Variants in WDR70 observed in about 807,000 individuals in gnomAD.
WDR70 encodes the protein WD repeat domain 70.
In WDR70, 53 loss-of-function variants were observed where a neutral mutation model predicts 88.6. That is an observed-to-expected ratio of 0.60 (90% CI 0.48 to 0.75). The LOEUF (loss-of-function observed/expected upper bound fraction) is 0.75, where lower values mean the gene tolerates loss of function less well. Ranked by LOEUF, WDR70 falls within the 30% of genes least tolerant of loss-of-function variation. The pLI, the probability that WDR70 is intolerant of heterozygous loss-of-function variation, is 0.00. For synonymous variants in WDR70, 280 were observed against 270.0 expected (o/e 1.04, Z -0.36); for missense variants, 610 against 823.2 (o/e 0.74, Z 3.17).
At chr5:37,449,620 A>C (rs2112075178) in intron 7 of WDR70, among the ~76,000 whole-genome samples, 1 of 142,942 alleles carries the variant, frequency 7.0e-6, no homozygotes, top group South Asian at 2.2e-4. Flanking sequence ...ATAAAAAATA[A>C]ATAAATAAAT....
intron 10 of WDR70, among the ~76,000 whole-genome samples, chr5:37,612,872 A>T (rs1744225768): frequency 6.6e-6 from 1 of 152,236 alleles, no homozygotes; most frequent in Non-Finnish European, 1.5e-5. Flanking sequence ...CACGTGACAT[A>T]TGAACTATTC....
chr5:37,512,704 T>A (rs1740756854), intron 8 of WDR70, among the ~76,000 whole-genome samples: 1 of 151,616 alleles, frequency 6.6e-6, no homozygotes, highest in Admixed American at 6.6e-5. Context: ...ATCTCAGCCT[T>A]CCGAGTAGCT....
chr5:37,470,330 G>A (rs974673705), intron 7 of WDR70, among the ~76,000 whole-genome samples: 1 of 152,068 alleles, frequency 6.6e-6, no homozygotes, highest in African/African-American at 2.4e-5. Flanking sequence ...TGCTTCAGAT[G>A]TCTCTAATTT....
chr5:37,487,625 G>GTTTTTTTTTTTT, intron 8 of WDR70, among the ~76,000 whole-genome samples: 1 of 11,724 alleles, frequency 8.5e-5, no homozygotes, highest in Middle Eastern at 0.1. Context: ...ATATATATAT[G>GTTTTTTTTTTTT]TATTTTTTTT....
intron 9 of WDR70, among the ~76,000 whole-genome samples, chr5:37,572,752 C>T (rs1353849488): frequency 6.6e-6 from 1 of 152,164 alleles, no homozygotes; most frequent in Non-Finnish European, 1.5e-5. Context: ...CATCAGTTCT[C>T]AACAGATCTT....
At chr5:37,484,163 C>G (rs1379251768) in intron 8 of WDR70, among the ~76,000 whole-genome samples, 2 of 152,192 alleles carry the variant, frequency 1.3e-5, no homozygotes, top group Admixed American at 6.5e-5. Flanking sequence ...GGCAGCCGGG[C>G]AGAGGCTGTA....
At chr5:37,654,922 TA>T (rs1031606082) in intron 10 of WDR70, among the ~76,000 whole-genome samples, 4 of 152,238 alleles carry the variant, frequency 2.6e-5, no homozygotes, top group South Asian at 2.1e-4. Flanking sequence ...CTGTGTCTTT[TA>T]ATTGGGGCAT....
chr5:37,660,642 T>C (rs1255037768), intron 10 of WDR70, among the ~76,000 whole-genome samples: 1 of 152,188 alleles, frequency 6.6e-6, no homozygotes, highest in Non-Finnish European at 1.5e-5. Context: ...TGTATTTGCC[T>C]GGTAAATCTT....
chr5:37,506,161 A>C, intron 8 of WDR70: 1 of 1,046,496 alleles, frequency 9.6e-7, no homozygotes. Flanking sequence ...CGAAGGTCCT[A>C]ACGAGAAACA....
chr5:37,575,235 C>A (rs1005057306), intron 9 of WDR70, among the ~76,000 whole-genome samples: 1 of 152,234 alleles, frequency 6.6e-6, no homozygotes, highest in South Asian at 2.1e-4. Flanking sequence ...TAAAAAAATA[C>A]GTATTTGGTC....
At chr5:37,470,738 T>G (rs1739302017) in intron 7 of WDR70, among the ~76,000 whole-genome samples, 1 of 152,154 alleles carries the variant, frequency 6.6e-6, no homozygotes, top group Non-Finnish European at 1.5e-5. Flanking sequence ...ACATTTGACT[T>G]ATTTCTGGTT....
chr5:37,600,551 C>T lies in WDR70; in HGVS notation c.918-4513C>T, dbSNP rs1263587739. On this transcript the variant is annotated intron_variant, in intron 9 of 17. Coordinates refer to ENST00000265107, the MANE Select transcript of WDR70 (RefSeq NM_018034.4). Reference sequence around the variant, plus strand: ...CAAAAAAAAAAAAAAAAAAGAACATCTAGAATTCAATAAAATGACAACCTA... The same window carrying T: ...CAAAAAAAAAAAAAAAAAAGAACATTTAGAATTCAATAAAATGACAACCTA... 2.3e-5 allele frequency among the ~76,000 whole-genome samples: 3 copies of T among 132,906 alleles called. No individual in the cohort carries two copies. In the East Asian group the frequency reaches 6.6e-4, roughly 29 times the overall value. 87.2% of individuals were successfully genotyped at this position (132,906 alleles called of 152,430 possible).
intron 6 of WDR70, among the ~76,000 whole-genome samples, chr5:37,439,267 A>C (rs1447056935): frequency 2.6e-5 from 4 of 152,098 alleles, no homozygotes; most frequent in Non-Finnish European, 5.9e-5. Flanking sequence ...AAATGAAACT[A>C]TGTGGGAATT....
At chr5:37,627,779 G>A (rs1414502978) in intron 10 of WDR70, among the ~76,000 whole-genome samples, 3 of 152,142 alleles carry the variant, frequency 2.0e-5, no homozygotes, top group Non-Finnish European at 4.4e-5. Flanking sequence ...ATTGTGGCAA[G>A]ATAAGATGCG....
In WDR70 at chr5:37,655,302, G is replaced by C. The variant is rs139515558; in HGVS notation, c.1093-42353G>C. On this transcript the variant is annotated intron_variant, in intron 10 of 17. Transcript: ENST00000265107. ...TTTTGGCTTGTAGTGTTTCTGCAGA[G>C]AGATGCGCTGTTAGTCTGATGGGCT... 1.1e-3 allele frequency among the ~76,000 whole-genome samples: 175 copies of C among 152,344 alleles called. 1 individual carries two copies. The highest frequency in any genetic ancestry group is 4.1e-3 in the African/African-American group (170 of 41,578).
chr5:37,411,236 C>T (rs1381849511), intron 5 of WDR70, among the ~76,000 whole-genome samples: 3 of 151,822 alleles, frequency 2.0e-5, no homozygotes, highest in African/African-American at 4.8e-5. Context: ...TGCTGGATAA[C>T]AGGTGTGAAC....
intron 7 of WDR70, among the ~76,000 whole-genome samples, chr5:37,474,554 CT>C (rs1295242911): frequency 5.3e-5 from 8 of 151,968 alleles, no homozygotes; most frequent in East Asian, 1.9e-4. Context: ...TGTTATTATT[CT>C]TTTTTTTAAT....
intron 10 of WDR70, among the ~76,000 whole-genome samples, chr5:37,679,618 G>A (rs1335387779): frequency 6.6e-6 from 1 of 152,310 alleles, no homozygotes; most frequent in South Asian, 2.1e-4. Context: ...GTACCCGGCC[G>A]TGTGAGGTGT....
At chr5:37,432,750 G>A (rs752211837) in intron 5 of WDR70, among the ~76,000 whole-genome samples, 1 of 151,586 alleles carries the variant, frequency 6.6e-6, no homozygotes, top group Admixed American at 6.6e-5. Flanking sequence ...TAGTAGAGAC[G>A]GGATTTTGCC....
Sources: allele counts gnomAD v4.1 joint callset (sites outside exome capture counted in the v4.1 genomes callset), GRCh38; gene constraint gnomAD v4.1.1; transcripts MANE v1.5; gene names NCBI Gene and HGNC (gene_info 2026-07-23, HGNC 2026-07-21).